ZNF71: variants seen among roughly 807,000 people sequenced by gnomAD.
ZNF71 encodes endothelial zinc finger protein induced by tumor necrosis factor alpha.
A neutral mutation model predicts 6.7 loss-of-function variants in ZNF71; 3 were observed. The observed-to-expected ratio is 0.45, with a 90% CI of 0.20 to 1.16. The LOEUF (loss-of-function observed/expected upper bound fraction) is 1.16. ZNF71 is among the 50% of genes most tolerant of loss of function. The pLI is 0.25. For missense variants in ZNF71, 688 were observed against 728.6 expected, an observed-to-expected ratio of 0.94 and a Z score of 0.64; for synonymous variants, 343 against 311.1, an observed-to-expected ratio of 1.10 and a Z score of -1.08.
rs2044890296 is a variant in ZNF71 at position 56,624,172 on chromosome 19, C to T, written c.*1415C>T. 6.0e-6 allele frequency: 1 copy of T among 166,040 alleles called. No homozygotes were observed. Among genetic ancestry groups the T allele is most frequent in the Admixed American group, 6.6e-5 (1 of 15,256 alleles). The allele number at this position is 166,040 out of a possible 1,614,324, so 10.3% of individuals were successfully genotyped here. A position where few individuals can be genotyped will look rare whatever the true frequency, so the allele number is the denominator to read the frequency against. On this transcript the variant is annotated 3_prime_UTR_variant, in exon 4 of 4. Coordinates refer to ENST00000599599, the MANE Select transcript of ZNF71 (RefSeq NM_001370215.1). ...CACTGGTGTACACAAATAAATAATA[C>T]AGAAAAAAAATTATATCAGCAAGCA...
In ZNF71 at chr19:56,613,353, GTCTT is replaced by G. The variant is rs1317232637; in HGVS notation, c.34-457_34-454del. 6.6e-6 allele frequency among the ~76,000 whole-genome samples: 1 copy of G among 152,194 alleles called. No homozygotes were observed. ...ATTGATTGCGTTTACCAAATTACGT[GTCTT>G]TGTCTGCCTCTGCCATGAGGAACTA... On this transcript the variant is annotated intron_variant, in intron 2 of 3. Transcript: ENST00000599599. The surrounding 1 kb of genome is among the most constrained non-coding windows in gnomAD (Gnocchi z 4.6).
intron 2 of ZNF71, among the ~76,000 whole-genome samples, chr19:56,604,259 C>T (rs1387175625): frequency 1.3e-5 from 2 of 152,106 alleles, no homozygotes; most frequent in East Asian, 3.9e-4. Flanking sequence ...GCAAACTCAT[C>T]AAGTTATGTA....
intron 3 of ZNF71, among the ~76,000 whole-genome samples, chr19:56,614,879 C>T (rs1361169015): frequency 2.0e-5 from 3 of 152,206 alleles, no homozygotes; most frequent in South Asian, 2.1e-4. Context: ...TTACCCCTCT[C>T]TCCCCTTCCT....
intron 1 of ZNF71, among the ~76,000 whole-genome samples, chr19:56,596,500 G>A (rs73934482): frequency 0.26 from 38,747 of 151,906 alleles, 5,222 homozygotes; most frequent in Admixed American, 0.34. Flanking sequence ...GACAGGGGCC[G>A]GGTGGAGGAG....
At position 56,621,600 on chromosome 19, in the gene ZNF71, G is replaced by A. The variant is rs2072501; in HGVS notation, c.493G>A (p.Val165Ile). 0.2 allele frequency: 321,381 copies of A among 1,613,948 alleles called. 33,815 individuals are homozygous for A. Among genetic ancestry groups the A allele is most frequent in the Admixed American group, 0.31 (18,402 of 60,000 alleles). The change falls in exon 4 of 4, where the codon GTA becomes ATA. Residue 165 changes from valine (V) to isoleucine (I), a missense_variant. Transcript: ENST00000599599. ...DPTEKGACPPVRRGKNFSSTS... is the reference protein window; with the variant it reads ...DPTEKGACPPIRRGKNFSSTS... ...CACAGAAAAGGGGGCCTGTCCACCC[G>A]TAAGGCGTGGCAAGAACTTCTCCAG... is the stretch of plus-strand genomic sequence containing the variant.
intron 2 of ZNF71, among the ~76,000 whole-genome samples, chr19:56,609,171 C>G (rs750981924): frequency 3.3e-5 from 5 of 152,106 alleles, no homozygotes; most frequent in Non-Finnish European, 5.9e-5. Context: ...TAAAACGCAC[C>G]TATTTGAAAA....
intron 3 of ZNF71, among the ~76,000 whole-genome samples, chr19:56,620,592 C>T (rs1057279673): frequency 1.2e-4 from 18 of 151,892 alleles, no homozygotes; most frequent in Non-Finnish European, 1.9e-4. Flanking sequence ...AGTGCAGTGA[C>T]GTGATCATAG....
intron 3 of ZNF71, among the ~76,000 whole-genome samples, chr19:56,620,073 C>T (rs1482032180): frequency 1.3e-5 from 2 of 152,174 alleles, no homozygotes; most frequent in African/African-American, 4.8e-5. Context: ...TGTGACGTAG[C>T]AACAGAAGCA....
intron 3 of ZNF71, among the ~76,000 whole-genome samples, chr19:56,620,201 A>G (rs1249220013): frequency 6.6e-6 from 1 of 152,210 alleles, no homozygotes; most frequent in Non-Finnish European, 1.5e-5. Flanking sequence ...GGGGCCAGCC[A>G]GGGCAGGTGC....
In ZNF71 at chr19:56,621,607, G is replaced by C. The variant is rs139335499; in HGVS notation, c.500G>C (p.Arg167Pro). The C allele has an allele frequency of 1.9e-6, 3 of 1,614,152 alleles. No homozygotes were observed. The highest frequency in any genetic ancestry group is 2.2e-5 in the South Asian group (2 of 91,084). ...AAGGGGGCCTGTCCACCCGTAAGGCGTGGCAAGAACTTCTCCAGCACTTCA... is the reference window on the plus strand; with the variant it reads ...AAGGGGGCCTGTCCACCCGTAAGGCCTGGCAAGAACTTCTCCAGCACTTCA... ...TEKGACPPVR[R>P]GKNFSSTSDL... Residue 167 changes from arginine (R) to proline (P), a missense_variant, in exon 4 of 4, where the codon CGT becomes CCT. By Grantham distance (103) the Arg-to-Pro change is moderately radical. Coordinates refer to ENST00000599599, the MANE Select transcript of ZNF71 (RefSeq NM_001370215.1).
Position 56,622,043 on chromosome 19 carries a change from C to T in ZNF71, c.936C>T (p.Ser312=), listed in dbSNP as rs538802556. ...GCGGGGACTGCGGCAAGGCCTTCAGCCAGAACATGCACCTCATCGTGCACC... is the reference window on the plus strand; with the variant it reads ...GCGGGGACTGCGGCAAGGCCTTCAGTCAGAACATGCACCTCATCGTGCACC... ...YACGDCGKAF[S]QNMHLIVHQR... is the part of the protein sequence containing the mutation. The change falls in exon 4 of 4, where the codon AGC becomes AGT. Residue 312 remains serine, a synonymous_variant. Coordinates refer to ENST00000599599, the MANE Select transcript of ZNF71 (RefSeq NM_001370215.1). 9.2e-4 allele frequency: 1,483 copies of T among 1,613,014 alleles called. 23 individuals carry two copies. The South Asian group carries it at 0.015, about 17-fold the overall frequency.
At chr19:56,614,309 C>G (rs1015711416) in intron 3 of ZNF71, among the ~76,000 whole-genome samples, 2 of 152,132 alleles carry the variant, frequency 1.3e-5, no homozygotes, top group East Asian at 3.9e-4. Flanking sequence ...AGTTTTTGCC[C>G]ATGAAGTGCA....
chr19:56,605,778 C>T (rs1017972255), intron 2 of ZNF71, among the ~76,000 whole-genome samples: 5 of 152,208 alleles, frequency 3.3e-5, no homozygotes, highest in African/African-American at 7.2e-5. Flanking sequence ...GGAAGAGAAG[C>T]GCCAGCTGGG....
Position 56,622,345 on chromosome 19 carries a change from C to T in ZNF71, c.1238C>T (p.Pro413Leu), listed in dbSNP as rs757400860. The T allele has an allele frequency of 1.9e-6, 3 of 1,612,732 alleles. No homozygotes were observed. The highest frequency in any genetic ancestry group is 4.5e-5 in the East Asian group (2 of 44,688). ...CAGCGCTTCCACATCGGCGTGAAGCCGTTCGAGTGCAGCGAGTGCGGCAAG... is the reference window on the plus strand; with the variant it reads ...CAGCGCTTCCACATCGGCGTGAAGCTGTTCGAGTGCAGCGAGTGCGGCAAG... ...QHQRFHIGVKPFECSECGKAF... is the reference protein window; with the variant it reads ...QHQRFHIGVKLFECSECGKAF... The change falls in exon 4 of 4, where the codon CCG becomes CTG. Residue 413 changes from proline (P) to leucine (L), a missense_variant. Transcript: ENST00000599599.
intron 2 of ZNF71, among the ~76,000 whole-genome samples, chr19:56,611,586 T>C (rs757027762): frequency 2.6e-5 from 4 of 152,132 alleles, no homozygotes; most frequent in Admixed American, 6.5e-5. Context: ...AGGGGGGCTT[T>C]TGGGGATGAA....
Position 56,621,195 on chromosome 19 carries a change from C to T in ZNF71, c.161-73C>T, listed in dbSNP as rs1183744256. On this transcript the variant is annotated intron_variant, in intron 3 of 3. Coordinates refer to ENST00000599599, the MANE Select transcript of ZNF71 (RefSeq NM_001370215.1). ...TGGGGTCGGTTTCATTTGCTCCTTC[C>T]TGCTGTGGAGCTTCCTCACTCCCAG... is the stretch of plus-strand genomic sequence containing the variant. 1.4e-5 allele frequency: 20 copies of T among 1,458,444 alleles called. No individual in the cohort carries two copies. In the East Asian group the frequency reaches 1.9e-4, roughly 14 times the overall value. 90.3% of individuals were successfully genotyped at this position (1,458,444 alleles called of 1,614,324 possible).
rs1421142127 is a variant in ZNF71 at position 56,598,336 on chromosome 19, G to C, written c.-53+2908G>C. Among the ~76,000 whole-genome samples the C allele has an allele frequency of 6.6e-6, 1 of 152,006 alleles. No individual in the cohort carries two copies. The highest frequency in any genetic ancestry group is 1.5e-5 in the Non-Finnish European group (1 of 68,002). The stretch of plus-strand genomic sequence containing the variant: ...AAGCATGGGAGAGGGGAGTAGAGGA[G>C]ATGGAAGGGGAGAGGCCATCAGGGG... On this transcript the variant is annotated intron_variant, in intron 1 of 3. Coordinates refer to ENST00000599599, the MANE Select transcript of ZNF71 (RefSeq NM_001370215.1). This position sits in a 1 kb window ranked among gnomAD's most constrained non-coding sequence, Gnocchi z 4.2.
At chr19:56,606,247 A>G (rs2044709320) in intron 2 of ZNF71, among the ~76,000 whole-genome samples, 1 of 152,190 alleles carries the variant, frequency 6.6e-6, no homozygotes, top group Non-Finnish European at 1.5e-5. Context: ...CAGGCACTTA[A>G]TAAATATTCG....
Position 56,623,776 on chromosome 19 carries a change from C to G in ZNF71, c.*1019C>G, listed in dbSNP as rs1418873044. 1 of 167,130 alleles carries G rather than the reference C, an allele frequency of 6.0e-6. No homozygotes were observed. The highest frequency in any genetic ancestry group is 1.9e-4 in the East Asian group (1 of 5,196). 10.4% of individuals were successfully genotyped at this position (167,130 alleles called of 1,614,324 possible). A position where few individuals can be genotyped will look rare whatever the true frequency, so the allele number is the denominator to read the frequency against. ...GATTTGGTGTCTGATGGGGTATGTT[C>G]TTCATAGGTAGTGCTTGTGTCTTGA... On this transcript the variant is annotated 3_prime_UTR_variant, in exon 4 of 4. Coordinates refer to ENST00000599599, the MANE Select transcript of ZNF71 (RefSeq NM_001370215.1).
Sources: gnomAD v4.1 joint callset for allele counts (sites outside exome capture counted in the v4.1 genomes callset) on GRCh38, gnomAD v4.1.1 for gene constraint, Gnocchi (gnomAD v3.1) non-coding constraint, MANE v1.5 for transcripts, NCBI Gene and HGNC (gene_info 2026-07-23, HGNC 2026-07-21) for gene names.